FAM13A: variants seen among roughly 807,000 people sequenced by gnomAD.
FAM13A encodes the protein family with sequence similarity 13 member A, also known as protein FAM13A.
In FAM13A, 76 loss-of-function variants were observed where a neutral mutation model predicts 129.6. That is an observed-to-expected ratio of 0.59 (90% CI 0.49 to 0.71). The LOEUF (loss-of-function observed/expected upper bound fraction) is 0.71, where lower values mean the gene tolerates loss of function less well. Among genes scored for constraint, FAM13A ranks in the 30% least tolerant of loss-of-function variants. The probability of loss-of-function intolerance (pLI) is 0.00; values close to 1 mark genes in which losing one functional copy is unlikely to be tolerated. For synonymous variants in FAM13A, 443 were observed against 449.9 expected, an observed-to-expected ratio of 0.98 and a Z score of 0.20; for missense variants, 1,108 against 1,249.3, an observed-to-expected ratio of 0.89 and a Z score of 1.70.
intron 6 of FAM13A, among the ~76,000 whole-genome samples, chr4:88,874,428 C>T (rs1742006156): frequency 1.3e-5 from 2 of 152,140 alleles, no homozygotes; most frequent in African/African-American, 4.8e-5. Context: ...AGCTGATAAG[C>T]AACTTCAGCA....
At chr4:88,747,881 T>A in intron 17 of FAM13A, 30 bp from the exon 18 acceptor site, 1 of 1,433,946 alleles carries the variant, frequency 7.0e-7, no homozygotes, top group Non-Finnish European at 9.7e-7. Context: ...GGTAAAGATA[T>A]ATGAGATTTA....
At chr4:89,051,988 GC>G in intron 1 of FAM13A, among the ~76,000 whole-genome samples, 1 of 152,254 alleles carries the variant, frequency 6.6e-6, no homozygotes, top group East Asian at 1.9e-4. Flanking sequence ...GCAACTCTCT[GC>G]CTAAATCTCA....
chr4:88,999,508 T>C (rs1351703635), intron 3 of FAM13A, among the ~76,000 whole-genome samples: 1 of 152,186 alleles, frequency 6.6e-6, no homozygotes, highest in African/African-American at 2.4e-5. Flanking sequence ...AAAACTAGGC[T>C]TTCTCCATCA....
Position 88,787,813 on chromosome 4 carries a change from G to C in FAM13A, c.1211C>G (p.Ser404Cys). Residue 404 changes from serine (S) to cysteine (C), a missense_variant, in exon 10 of 24, where the codon TCT becomes TGT. By Grantham distance (112) the Ser-to-Cys change is moderately radical. Around this residue, in one of 3 missense-constraint regions of FAM13A, gnomAD observed 566 missense variants for 595.7 expected, o/e 0.95. Transcript: ENST00000264344. ...GGACTGGCGGCGGCGCTGTCTGGCA[G>C]ATGTGGCAGAAGATGCTGATAGTGT... The part of the protein sequence containing the change: ...SGTLSASSAT[S>C]ARQRRRQSKE... 6.2e-7 allele frequency: 1 copy of C among 1,613,706 alleles called. No individual in the cohort carries two copies. The highest frequency in any genetic ancestry group is 8.5e-7 in the Non-Finnish European group (1 of 1,179,730).
intron 7 of FAM13A, among the ~76,000 whole-genome samples, chr4:88,840,930 C>A (rs1735697596): frequency 6.6e-6 from 1 of 151,888 alleles, no homozygotes; most frequent in Admixed American, 6.6e-5. Context: ...ACTGGATATA[C>A]ACATGCAAAA....
chr4:89,043,671 T>C (rs1770458685), intron 1 of FAM13A, among the ~76,000 whole-genome samples: 1 of 151,960 alleles, frequency 6.6e-6, no homozygotes, highest in Admixed American at 6.6e-5. Flanking sequence ...ACGGAAACTA[T>C]AAACTAACAA....
intron 7 of FAM13A, among the ~76,000 whole-genome samples, chr4:88,846,546 T>A (rs1020881844): frequency 1.3e-5 from 2 of 152,214 alleles, no homozygotes; most frequent in African/African-American, 2.4e-5. Flanking sequence ...ACATTAACTC[T>A]CTCTACAGAC....
intron 5 of FAM13A, among the ~76,000 whole-genome samples, chr4:88,909,763 A>G (rs1579228867): frequency 6.6e-6 from 1 of 152,104 alleles, no homozygotes; most frequent in African/African-American, 2.4e-5. Context: ...GGGATTACAG[A>G]AGTGAGCCAC....
chr4:88,823,337 C>A, intron 7 of FAM13A: 2 of 1,101,578 alleles, frequency 1.8e-6, no homozygotes, highest in Non-Finnish European at 2.2e-6. Flanking sequence ...TCCTCCCCCG[C>A]ACCCTACTCC....
At chr4:88,836,731 G>A (rs1269150565) in intron 7 of FAM13A, among the ~76,000 whole-genome samples, 1 of 152,050 alleles carries the variant, frequency 6.6e-6, no homozygotes, top group African/African-American at 2.4e-5. Flanking sequence ...AGGCTGAGAC[G>A]GGTGGATCAC....
chr4:88,900,850 G>A (rs1747178710), intron 6 of FAM13A, among the ~76,000 whole-genome samples: 1 of 152,008 alleles, frequency 6.6e-6, no homozygotes, highest in Non-Finnish European at 1.5e-5. Context: ...GACACAGAAT[G>A]GCAAGCTGGA....
At chr4:88,776,054 G>A (rs1404132039) in intron 11 of FAM13A, among the ~76,000 whole-genome samples, 1 of 152,150 alleles carries the variant, frequency 6.6e-6, no homozygotes, top group Admixed American at 6.5e-5. Flanking sequence ...CTAAAAGGAA[G>A]TTGTTCGTAG....
chr4:88,773,998 A>C lies in FAM13A; in HGVS notation c.1459-5939T>G, dbSNP rs1721196523. 3.3e-5 allele frequency among the ~76,000 whole-genome samples: 5 copies of C among 152,036 alleles called. No individual in the cohort carries two copies. In the South Asian group the frequency reaches 1.0e-3, roughly 32 times the overall value. Reference sequence around the variant, plus strand: ...GGCTATGAAGCTTTAGGTGATCAGGACCTCTGCTACATCTTTGACCTCATC... The same window carrying C: ...GGCTATGAAGCTTTAGGTGATCAGGCCCTCTGCTACATCTTTGACCTCATC... On this transcript the variant is annotated intron_variant, in intron 11 of 23. Transcript: ENST00000264344.
intron 2 of FAM13A, among the ~76,000 whole-genome samples, chr4:89,025,609 G>A (rs1162600628): frequency 6.6e-6 from 1 of 152,154 alleles, no homozygotes; most frequent in Non-Finnish European, 1.5e-5. Flanking sequence ...CAATCCATTT[G>A]CCCATCAGTA....
chr4:88,748,678 G>T (rs1741900172), intron 17 of FAM13A, among the ~76,000 whole-genome samples: 1 of 152,216 alleles, frequency 6.6e-6, no homozygotes. Flanking sequence ...TTAAACAGGT[G>T]TTGAGAGATG....
At chr4:88,793,074 C>A (rs1359469994) in intron 8 of FAM13A, among the ~76,000 whole-genome samples, 2 of 152,008 alleles carry the variant, frequency 1.3e-5, no homozygotes, top group Admixed American at 1.3e-4. Context: ...ATTTCTAATA[C>A]ATTCCTCAGT....
In FAM13A at chr4:88,781,170, G is replaced by C. The variant is rs751170398; in HGVS notation, c.1453C>G (p.Leu485Val). 3 of 1,604,246 alleles carry C rather than the reference G, an allele frequency of 1.9e-6. No homozygotes were observed. In the African/African-American group the frequency reaches 4.0e-5, roughly 22 times the overall value. Residue 485 changes from leucine to valine, a missense_variant, in exon 11 of 24, where the codon CTT (leucine) becomes GTT (valine). Physicochemically the swap from Leu to Val is conservative, Grantham distance 32 (BLOSUM62 1). Transcript: ENST00000264344. ...LSELHDNQDG[L>V]VNMESLNSTR... ...TTATAGACGTATTCACTTACCACAA[G>C]ACCGTCCTGATTGTCATGAAGCTCA...
At chr4:88,785,094 T>A (rs1723703621) in intron 10 of FAM13A, among the ~76,000 whole-genome samples, 1 of 152,176 alleles carries the variant, frequency 6.6e-6, no homozygotes, top group Non-Finnish European at 1.5e-5. Context: ...GACTTTAGTA[T>A]GACTTTACTG....
chr4:88,991,848 G>A (rs548486265), intron 3 of FAM13A, among the ~76,000 whole-genome samples: 18 of 152,028 alleles, frequency 1.2e-4, no homozygotes, highest in Non-Finnish European at 2.2e-4. Context: ...TTCTGGGCAT[G>A]TCCTCAAGAG....
Sources: allele counts gnomAD v4.1 joint callset (sites outside exome capture counted in the v4.1 genomes callset), GRCh38; gene constraint gnomAD v4.1.1; regional missense constraint gnomAD v4.1.1; transcripts MANE v1.5; gene names NCBI Gene and HGNC (gene_info 2026-07-23, HGNC 2026-07-21).